SRPK2: variants seen among roughly 807,000 people sequenced by gnomAD.
SRPK2 encodes SFRS protein kinase 2.
SRPK2 carries 21 observed loss-of-function variants against 90.8 expected under a neutral mutation model. That is an observed-to-expected ratio of 0.23 (90% CI 0.16 to 0.33). The LOEUF (loss-of-function observed/expected upper bound fraction) is 0.33. SRPK2 is among the 10% of genes least tolerant of loss of function. SRPK2 has a pLI of 1.00. For synonymous variants in SRPK2, 288 were observed against 311.1 expected, an observed-to-expected ratio of 0.93 and a Z score of 0.78; for missense variants, 620 against 869.0, an observed-to-expected ratio of 0.71 and a Z score of 3.60.
chr7:105,242,965 C>T (rs191004849), intron 2 of SRPK2, among the ~76,000 whole-genome samples: 1 of 152,256 alleles, frequency 6.6e-6, no homozygotes, highest in East Asian at 1.9e-4. Flanking sequence ...GAAGGTGAGG[C>T]CAGGGCTCAA....
At chr7:105,169,523 A>G (rs890688715) in intron 3 of SRPK2, among the ~76,000 whole-genome samples, 2 of 152,120 alleles carry the variant, frequency 1.3e-5, no homozygotes, top group African/African-American at 2.4e-5. Context: ...GATCAGGAGT[A>G]CGAGACCAGC....
In SRPK2 at chr7:105,195,446, T is replaced by C. The variant is rs565173846; in HGVS notation, c.229+8182A>G. ...TTTTCTGTGGGGATTTTTGGTAATA[T>C]TTTGAAGTGATGCTTTAAAGTTACT... is the stretch of plus-strand genomic sequence containing the variant. On this transcript the variant is annotated intron_variant, in intron 3 of 15. Transcript: ENST00000393651. Among the ~76,000 whole-genome samples the C allele has an allele frequency of 1.4e-4, 22 of 152,362 alleles. No individual in the cohort carries two copies. In the South Asian group the frequency reaches 4.3e-3, roughly 30 times the overall value.
At chr7:105,272,247 T>C (rs944689797) in intron 2 of SRPK2, among the ~76,000 whole-genome samples, 3 of 152,306 alleles carry the variant, frequency 2.0e-5, no homozygotes, top group Non-Finnish European at 2.9e-5. Context: ...TATTTAACAG[T>C]TGTATTCCCT....
intron 2 of SRPK2, among the ~76,000 whole-genome samples, chr7:105,272,600 A>G (rs7809613): frequency 0.99 from 151,177 of 152,118 alleles, 75,123 homozygotes; most frequent in East Asian, 1. Context: ...AAATGCTGGT[A>G]ATACCTGTAA....
intron 2 of SRPK2, among the ~76,000 whole-genome samples, chr7:105,353,107 T>C (rs1426668190): frequency 6.6e-6 from 1 of 152,136 alleles, no homozygotes; most frequent in Admixed American, 6.6e-5. Flanking sequence ...ATGAAAGGGT[T>C]AGATTAAGTA....
At chr7:105,295,210 CAAAAA>C (rs10609905) in intron 2 of SRPK2, among the ~76,000 whole-genome samples, 1 of 141,110 alleles carries the variant, frequency 7.1e-6, no homozygotes, top group Non-Finnish European at 1.5e-5. Context: ...GAACCCGTCT[CAAAAA>C]AAAAAAAAAT....
chr7:105,319,513 G>C (rs1464841741), intron 2 of SRPK2, among the ~76,000 whole-genome samples: 7 of 114,788 alleles, frequency 6.1e-5, no homozygotes, highest in African/African-American at 1.2e-4. Flanking sequence ...GCGGGGGGGG[G>C]GGGGGCGGTG....
intron 13 of SRPK2, 135 bp downstream of exon 13, chr7:105,132,656 C>T: frequency 1.5e-6 from 1 of 680,074 alleles, no homozygotes; most frequent in Admixed American, 2.9e-5. Context: ...CAACCTTCCC[C>T]TCACCCAGCC....
In SRPK2 at chr7:105,240,048, A is replaced by G. The variant is rs117681363; in HGVS notation, c.72-36263T>C. Among the ~76,000 whole-genome samples, 435 of 152,284 alleles carry G rather than the reference A, an allele frequency of 2.9e-3. 1 individual carries two copies. Among genetic ancestry groups the G allele is most frequent in the Non-Finnish European group, 4.4e-3 (302 of 68,016 alleles). On this transcript the variant is annotated intron_variant, in intron 2 of 15. Coordinates refer to ENST00000393651, the MANE Select transcript of SRPK2 (RefSeq NM_182692.3). The stretch of plus-strand genomic sequence containing the variant: ...GGTCTTACTCTGTTTAGGTTGCTAT[A>G]ACAAAATACCACCGAGTGACTTATA...
intron 2 of SRPK2, among the ~76,000 whole-genome samples, chr7:105,359,190 G>A (rs1437731288): frequency 2.6e-5 from 3 of 115,160 alleles, no homozygotes; most frequent in East Asian, 2.9e-4. Context: ...ACAAAGGCTC[G>A]CTCTATCACC....
chr7:105,129,427 T>C (rs1199004808), intron 13 of SRPK2, among the ~76,000 whole-genome samples: 4 of 152,148 alleles, frequency 2.6e-5, no homozygotes, highest in Admixed American at 2.0e-4. Context: ...CCAGGCTGAG[T>C]GCAGCGGCAC....
chr7:105,280,421 CAAAAAAA>C (rs1279271628), intron 2 of SRPK2, among the ~76,000 whole-genome samples: 1 of 103,956 alleles, frequency 9.6e-6, no homozygotes, highest in Non-Finnish European at 2.0e-5. Context: ...AGACTGTCTT[CAAAAAAA>C]AAAAAAAGTC....
chr7:105,268,926 T>A, intron 2 of SRPK2: 1 of 1,536,910 alleles, frequency 6.5e-7, no homozygotes, highest in South Asian at 1.2e-5. Context: ...TTTCAAGCCT[T>A]ATATCAAGAG....
chr7:105,181,666 A>T (rs767633233), intron 3 of SRPK2, among the ~76,000 whole-genome samples: 1 of 152,198 alleles, frequency 6.6e-6, no homozygotes, highest in Non-Finnish European at 1.5e-5. Context: ...GAAGTAAACA[A>T]TGAGAACACA....
intron 2 of SRPK2, among the ~76,000 whole-genome samples, chr7:105,227,839 C>T (rs1184281180): frequency 7.4e-6 from 1 of 134,676 alleles, no homozygotes; most frequent in East Asian, 2.2e-4. Context: ...TGTTTATCAA[C>T]TGATGAACAG....
intron 3 of SRPK2, among the ~76,000 whole-genome samples, chr7:105,178,069 A>G (rs1374488287): frequency 6.6e-6 from 1 of 151,950 alleles, no homozygotes; most frequent in African/African-American, 2.4e-5. Flanking sequence ...CATTCTTCCT[A>G]AGATTTGACA....
intron 3 of SRPK2, among the ~76,000 whole-genome samples, chr7:105,173,979 T>TCA (rs1791495628): frequency 6.7e-6 from 1 of 148,576 alleles, no homozygotes; most frequent in Non-Finnish European, 1.5e-5. Flanking sequence ...GTGCAGTGGC[T>TCA]CACACCTGTA....
intron 2 of SRPK2, among the ~76,000 whole-genome samples, chr7:105,261,750 C>T (rs958264582): frequency 2.0e-5 from 3 of 152,134 alleles, no homozygotes; most frequent in Non-Finnish European, 1.5e-5. Context: ...TATATAAGAT[C>T]ATAAGGTGGG....
chr7:105,283,937 C>T (rs1807683784), intron 2 of SRPK2, among the ~76,000 whole-genome samples: 1 of 152,028 alleles, frequency 6.6e-6, no homozygotes, highest in Non-Finnish European at 1.5e-5. Flanking sequence ...CTATAGTGAG[C>T]CGTGATGGTG....
Sources: allele counts gnomAD v4.1 joint callset (sites outside exome capture counted in the v4.1 genomes callset), GRCh38; gene constraint gnomAD v4.1.1; transcripts MANE v1.5; gene names NCBI Gene and HGNC (gene_info 2026-07-23, HGNC 2026-07-21).